Variants in IGSF3 observed in about 807,000 individuals in gnomAD.
The protein encoded by IGSF3 is glu-Trp-Ile EWI motif-containing protein 3.
IGSF3 carries 23 observed loss-of-function variants against 114.4 expected under a neutral mutation model. The observed-to-expected ratio is 0.20, with a 90% CI of 0.14 to 0.28. IGSF3 has a LOEUF of 0.28. Among genes scored for constraint, IGSF3 ranks in the 10% least tolerant of loss-of-function variants. The pLI, the probability that IGSF3 is intolerant of heterozygous loss-of-function variation, is 1.00. For missense variants in IGSF3, 1,172 were observed against 1,591.5 expected (o/e 0.74, Z 4.48); for synonymous variants, 571 against 645.2 (o/e 0.88, Z 1.74).
intron 4 of IGSF3, 133 bp downstream of exon 4, chr1:116,613,632 A>C: frequency 1.2e-6 from 1 of 814,082 alleles, no homozygotes; most frequent in Non-Finnish European, 1.9e-6. Context: ...CGCACACAAG[A>C]CCGGCTTTAA....
rs1647725580 is a variant in IGSF3, at chr1:116,634,328, A to G, written c.44-17871T>C. On this transcript the variant is annotated intron_variant, in intron 2 of 10. Transcript: ENST00000369486. The surrounding 1 kb of genome is among the most constrained non-coding windows in gnomAD (Gnocchi z 4.2). ...GAGGAAAAAAGGGTAGGCTCCAGCT[A>G]GCGGAGAGAACAACTAAAAAACAAG... 6.6e-6 allele frequency among the ~76,000 whole-genome samples: 1 copy of G among 152,254 alleles called. No individual in the cohort carries two copies. The highest frequency in any genetic ancestry group is 2.4e-5 in the African/African-American group (1 of 41,480).
intron 2 of IGSF3, among the ~76,000 whole-genome samples, chr1:116,645,439 G>A (rs934927447): frequency 6.6e-6 from 1 of 152,232 alleles, no homozygotes; most frequent in Non-Finnish European, 1.5e-5. Context: ...TGATTATGTG[G>A]CTGCTCATGT....
intron 2 of IGSF3, among the ~76,000 whole-genome samples, chr1:116,626,347 A>T (rs1647281066): frequency 6.6e-6 from 1 of 151,124 alleles, no homozygotes; most frequent in Admixed American, 6.6e-5. Context: ...CGTCCCTTTC[A>T]TTGAGTTATG....
chr1:116,583,761 C>T lies in IGSF3; in HGVS notation c.2848+884G>A, dbSNP rs1031518670. ...TTGCAAAGGACATGGGAATCCTGCA[C>T]ATCGTAGCTTTGATTATGTGTTTAA... On this transcript the variant is annotated intron_variant, in intron 9 of 10. Transcript: ENST00000369486. This position sits in a 1 kb window ranked among gnomAD's most constrained non-coding sequence, Gnocchi z 4.5. Among the ~76,000 whole-genome samples the T allele has an allele frequency of 6.6e-6, 1 of 152,144 alleles. No homozygotes were observed. The highest frequency in any genetic ancestry group is 2.4e-5 in the African/African-American group (1 of 41,442).
rs556186967 is a variant in IGSF3, at chr1:116,610,153, C to G, written c.833-1822G>C. Among the ~76,000 whole-genome samples, 60 of 152,320 alleles carry G rather than the reference C, an allele frequency of 3.9e-4. No individual in the cohort carries two copies. Among genetic ancestry groups the G allele is most frequent in the African/African-American group, 1.4e-3 (57 of 41,564 alleles). On this transcript the variant is annotated intron_variant, in intron 4 of 10. Coordinates refer to ENST00000369486, the MANE Select transcript of IGSF3 (RefSeq NM_001007237.3). This position sits in a 1 kb window ranked among gnomAD's most constrained non-coding sequence, Gnocchi z 4.3. Reference sequence around the variant, plus strand: ...GATGAACACACCCATATGGGACAGTCCCCGTGTTATCTGCTGGATATTATC... The same window carrying G: ...GATGAACACACCCATATGGGACAGTGCCCGTGTTATCTGCTGGATATTATC...
At position 116,584,587 on chromosome 1, in the gene IGSF3, A is replaced by G. The variant is rs1659734999; in HGVS notation, c.2848+58T>C. 6.5e-7 allele frequency: 1 copy of G among 1,530,268 alleles called. No homozygotes were observed. Among genetic ancestry groups the G allele is most frequent in the Non-Finnish European group, 9.0e-7 (1 of 1,105,448 alleles). The allele number at this position is 1,530,268 out of a possible 1,614,324, so 94.8% of individuals were successfully genotyped here. ...ACTAATTTTATCCAGTGCATAAAAC[A>G]GTATACTTAAATGGGAAACACCAGA... On this transcript the variant is annotated intron_variant, in intron 9 of 10. Coordinates refer to ENST00000369486, the MANE Select transcript of IGSF3 (RefSeq NM_001007237.3). This position sits in a 1 kb window ranked among gnomAD's most constrained non-coding sequence, Gnocchi z 5.8.
At position 116,577,528 on chromosome 1, in the gene IGSF3, G is replaced by A. The variant is rs146492537; in HGVS notation, c.3369C>T (p.Asp1123=). The change falls in exon 11 of 11, where the codon GAC becomes GAT. Residue 1123 remains aspartate, a synonymous_variant. Transcript: ENST00000369486. This position sits in a 1 kb window ranked among gnomAD's most constrained non-coding sequence, Gnocchi z 5.7. The stretch of plus-strand genomic sequence containing the variant: ...AGAAGAAGACGAAGTAGAAGAGTGC[G>A]TCGTTGGAGCAGATGATGGACTGGA... ...PTLQSIICSN[D]ALFYFVFFYP... 4,728 of 1,614,016 alleles carry A rather than the reference G, an allele frequency of 2.9e-3. 9 individuals carry two copies. The highest frequency in any genetic ancestry group is 3.5e-3 in the Admixed American group (213 of 60,020).
Position 116,634,722 on chromosome 1 carries a change from T to A in IGSF3, c.44-18265A>T, listed in dbSNP as rs988405877. Among the ~76,000 whole-genome samples, 6 of 152,080 alleles carry A rather than the reference T, an allele frequency of 3.9e-5. No individual in the cohort carries two copies. Among genetic ancestry groups the A allele is most frequent in the African/African-American group, 1.4e-4 (6 of 41,386 alleles). On this transcript the variant is annotated intron_variant, in intron 2 of 10. Coordinates refer to ENST00000369486, the MANE Select transcript of IGSF3 (RefSeq NM_001007237.3). The surrounding 1 kb of genome is among the most constrained non-coding windows in gnomAD (Gnocchi z 4.2). ...CTCCTTCCATCGAGAGGGCAGAACC[T>A]GTGTTTCCTCTCCCTGAATCTAGGT... is the stretch of plus-strand genomic sequence containing the variant.
intron 9 of IGSF3, among the ~76,000 whole-genome samples, chr1:116,581,289 G>A (rs569581332): frequency 4.2e-5 from 6 of 142,446 alleles, no homozygotes; most frequent in Admixed American, 3.5e-4. Context: ...ACATCTCACA[G>A]ATGCCAACAG....
intron 2 of IGSF3, among the ~76,000 whole-genome samples, chr1:116,639,478 C>G (rs1255404557): frequency 1.3e-5 from 2 of 152,204 alleles, no homozygotes. Flanking sequence ...AGGTCCCAAC[C>G]ACCTGCAGAT....
At chr1:116,630,372 G>A (rs4120789) in intron 2 of IGSF3, among the ~76,000 whole-genome samples, 1 of 152,226 alleles carries the variant, frequency 6.6e-6, no homozygotes, top group Non-Finnish European at 1.5e-5. Context: ...AGGACTGAGT[G>A]CCTGCTGAAT....
chr1:116,604,849 G>A (rs1266508798), intron 5 of IGSF3, among the ~76,000 whole-genome samples: 2 of 152,090 alleles, frequency 1.3e-5, no homozygotes, highest in Non-Finnish European at 2.9e-5. Context: ...ATTTAAACTC[G>A]ACATGCCTCA....
rs1047126345 is a variant in IGSF3 at position 116,612,637 on chromosome 1, G to A, written c.832+1128C>T. Among the ~76,000 whole-genome samples the A allele has an allele frequency of 6.6e-5, 10 of 152,334 alleles. 1 individual carries two copies. The highest frequency in any genetic ancestry group is 6.8e-3 in the Middle Eastern group (2 of 294). On this transcript the variant is annotated intron_variant, in intron 4 of 10. Transcript: ENST00000369486. The surrounding 1 kb of genome is among the most constrained non-coding windows in gnomAD (Gnocchi z 4.1). ...GGGAGCCCAAGAGACAGGTCCTGAC[G>A]AAGGACCCCACCTGTACTGCAACTC...
intron 8 of IGSF3, among the ~76,000 whole-genome samples, chr1:116,587,460 A>G (rs2101348345): frequency 6.6e-6 from 1 of 152,030 alleles, no homozygotes. Flanking sequence ...ATCTATGGCC[A>G]ACATGTTCCA....
rs145825656 is a variant in IGSF3 at position 116,657,271 on chromosome 1, G to T, written c.43+9013C>A. 6.6e-6 allele frequency among the ~76,000 whole-genome samples: 1 copy of T among 152,114 alleles called. No individual in the cohort carries two copies. The highest frequency in any genetic ancestry group is 2.4e-5 in the African/African-American group (1 of 41,416). On this transcript the variant is annotated intron_variant, in intron 2 of 10. Transcript: ENST00000369486. The surrounding 1 kb of genome is among the most constrained non-coding windows in gnomAD (Gnocchi z 4.2). ...TCCTTTCCTCTCCCTGATGAAAAGT[G>T]CCACCTAGCAAGGTCAATCAAGGTC...
chr1:116,589,814 C>T lies in IGSF3; in HGVS notation c.2030-710G>A, dbSNP rs554419419. On this transcript the variant is annotated intron_variant, in intron 7 of 10. Coordinates refer to ENST00000369486, the MANE Select transcript of IGSF3 (RefSeq NM_001007237.3). The surrounding 1 kb of genome is among the most constrained non-coding windows in gnomAD (Gnocchi z 5.7). ...CTTCCACTCAATCAGCCAGTATTTACGGAGTGCCCACTCGGTTTCCCACAG... is the reference window on the plus strand; with the variant it reads ...CTTCCACTCAATCAGCCAGTATTTATGGAGTGCCCACTCGGTTTCCCACAG... Among the ~76,000 whole-genome samples, 2 of 152,316 alleles carry T rather than the reference C, an allele frequency of 1.3e-5. No homozygotes were observed. Among genetic ancestry groups the T allele is most frequent in the Non-Finnish European group, 1.5e-5 (1 of 68,026 alleles).
In IGSF3 at chr1:116,616,204, C is replaced by T. The variant is rs1251776657; in HGVS notation, c.297G>A (p.Gln99=). The T allele has an allele frequency of 1.2e-6, 2 of 1,614,010 alleles. No individual in the cohort carries two copies. The highest frequency in any genetic ancestry group is 1.7e-6 in the Non-Finnish European group (2 of 1,179,870). The change falls in exon 3 of 11, where the codon CAG becomes CAA. Residue 99 remains glutamine, a synonymous_variant. Transcript: ENST00000369486. The surrounding 1 kb of genome is among the most constrained non-coding windows in gnomAD (Gnocchi z 6.6). ...RGGKIFIERV[Q]GNSTLLHITD... ...TGATGTGCAATAGGGTTGAGTTCCC[C>T]TGGACTCTTTCTATGAAGATCTTCC... is the stretch of plus-strand genomic sequence containing the variant.
At chr1:116,640,515 T>TA (rs1200300456) in intron 2 of IGSF3, among the ~76,000 whole-genome samples, 1 of 152,248 alleles carries the variant, frequency 6.6e-6, no homozygotes, top group Non-Finnish European at 1.5e-5. Context: ...TTGGATGCTT[T>TA]AAAACTGTTT....
In IGSF3 at chr1:116,612,062, T is replaced by C. The variant is rs1481843347; in HGVS notation, c.832+1703A>G. On this transcript the variant is annotated intron_variant, in intron 4 of 10. Coordinates refer to ENST00000369486, the MANE Select transcript of IGSF3 (RefSeq NM_001007237.3). The surrounding 1 kb of genome is among the most constrained non-coding windows in gnomAD (Gnocchi z 4.1). ...TAGTTTTCCTTTTGCTGGCTTAGTC[T>C]AGATACATTTTCAGGGTAAATTCAA... 2.0e-5 allele frequency among the ~76,000 whole-genome samples: 3 copies of C among 152,338 alleles called. No individual in the cohort carries two copies. Among genetic ancestry groups the C allele is most frequent in the African/African-American group, 7.2e-5 (3 of 41,564 alleles).
Sources: allele counts gnomAD v4.1 joint callset (sites outside exome capture counted in the v4.1 genomes callset), GRCh38; gene constraint gnomAD v4.1.1; non-coding constraint Gnocchi (gnomAD v3.1); transcripts MANE v1.5; gene names NCBI Gene and HGNC (gene_info 2026-07-23, HGNC 2026-07-21).